The following SLC35F3 variants were observed in gnomAD, a reference collection of about 807,000 sequenced individuals.
SLC35F3 encodes the protein putative thiamine transporter SLC35F3.
In SLC35F3, 25 loss-of-function variants were observed where a neutral mutation model predicts 49.9. That is an observed-to-expected ratio of 0.50 (90% CI 0.37 to 0.70). The LOEUF (loss-of-function observed/expected upper bound fraction) is 0.70, where lower values mean the gene tolerates loss of function less well. Among genes scored for constraint, SLC35F3 ranks in the 30% least tolerant of loss-of-function variants. The pLI is 0.00. For missense variants in SLC35F3, 525 were observed against 639.8 expected, an observed-to-expected ratio of 0.82 and a Z score of 1.94; for synonymous variants, 275 against 265.4, an observed-to-expected ratio of 1.04 and a Z score of -0.35.
At chr1:234,125,267 G>A (rs1485462892) in intron 2 of SLC35F3, among the ~76,000 whole-genome samples, 1 of 151,424 alleles carries the variant, frequency 6.6e-6, no homozygotes, top group African/African-American at 2.4e-5. Context: ...AGTTCACGCT[G>A]ATATAACAAA....
At chr1:234,236,468 A>G (rs1336016076) in intron 3 of SLC35F3, among the ~76,000 whole-genome samples, 3 of 152,094 alleles carry the variant, frequency 2.0e-5, no homozygotes, top group Non-Finnish European at 4.4e-5. Context: ...TTAGCCAGAA[A>G]CAATTTATTT....
At chr1:234,152,623 A>G (rs1430807053) in intron 2 of SLC35F3, among the ~76,000 whole-genome samples, 2 of 152,234 alleles carry the variant, frequency 1.3e-5, no homozygotes, top group African/African-American at 2.4e-5. Context: ...TATCCATTCT[A>G]TCATTGATGG....
chr1:234,078,315 A>G (rs932064084), intron 2 of SLC35F3, among the ~76,000 whole-genome samples: 2 of 152,066 alleles, frequency 1.3e-5, no homozygotes, highest in East Asian at 1.9e-4. Flanking sequence ...TTTTCTCAGA[A>G]TAGTTATCCA....
chr1:233,905,319 C>T (rs866242654), intron 1 of SLC35F3, among the ~76,000 whole-genome samples, 189 bp downstream of exon 1: 1 of 152,180 alleles, frequency 6.6e-6, no homozygotes, highest in Non-Finnish European at 1.5e-5. Flanking sequence ...TGCCCCGAGA[C>T]GCCCAGGATA....
intron 2 of SLC35F3, among the ~76,000 whole-genome samples, chr1:233,985,581 A>G (rs1388978697): frequency 2.0e-5 from 3 of 152,202 alleles, no homozygotes; most frequent in Admixed American, 6.5e-5. Context: ...AGACCCACAC[A>G]GTTCTTTCTC....
At chr1:234,072,275 G>A (rs1228319941) in intron 2 of SLC35F3, among the ~76,000 whole-genome samples, 1 of 152,214 alleles carries the variant, frequency 6.6e-6, no homozygotes, top group Non-Finnish European at 1.5e-5. Context: ...AAAGGCACTT[G>A]CTATGGTCAT....
chr1:234,168,425 C>T (rs77019801), intron 2 of SLC35F3, among the ~76,000 whole-genome samples: 19,131 of 152,238 alleles, frequency 0.13, 3,967 homozygotes, highest in African/African-American at 0.43. Flanking sequence ...CTTCATTCTC[C>T]CTTTCTGTAA....
At chr1:234,321,174 C>A (rs1453807627) in intron 7 of SLC35F3, among the ~76,000 whole-genome samples, 1 of 152,144 alleles carries the variant, frequency 6.6e-6, no homozygotes, top group African/African-American at 2.4e-5. Flanking sequence ...AGGCGCTCGA[C>A]CTCTCTGCCC....
At chr1:234,251,695 G>A (rs1174359457) in intron 3 of SLC35F3, among the ~76,000 whole-genome samples, 1 of 152,094 alleles carries the variant, frequency 6.6e-6, no homozygotes, top group African/African-American at 2.4e-5. Flanking sequence ...GAGCAATAGG[G>A]AGAACTAGCT....
chr1:233,946,788 T>C (rs965555728), intron 2 of SLC35F3, among the ~76,000 whole-genome samples: 9 of 152,186 alleles, frequency 5.9e-5, no homozygotes, highest in Admixed American at 2.6e-4. Flanking sequence ...CAAGTTCATG[T>C]GTAAATGGTG....
chr1:234,131,322 T>G (rs1308270450), intron 2 of SLC35F3, among the ~76,000 whole-genome samples: 1 of 152,224 alleles, frequency 6.6e-6, no homozygotes, highest in Non-Finnish European at 1.5e-5. Flanking sequence ...TCTATGTTTC[T>G]GTTTCTTCTC....
intron 2 of SLC35F3, among the ~76,000 whole-genome samples, chr1:234,131,897 G>A (rs1303260014): frequency 6.6e-6 from 1 of 152,122 alleles, no homozygotes; most frequent in Non-Finnish European, 1.5e-5. Context: ...CAAATAATAA[G>A]CGATAATAAT....
chr1:234,178,310 C>T (rs1036168356), intron 2 of SLC35F3, among the ~76,000 whole-genome samples: 2 of 152,076 alleles, frequency 1.3e-5, no homozygotes. Context: ...CCCTCCAATG[C>T]TTTCAGTCAA....
intron 2 of SLC35F3, among the ~76,000 whole-genome samples, chr1:234,076,600 T>A (rs1189509887): frequency 6.6e-6 from 1 of 152,000 alleles, no homozygotes; most frequent in Non-Finnish European, 1.5e-5. Flanking sequence ...TAGCTGGGAT[T>A]ATGGGTGCCC....
chr1:234,319,006 A>T, intron 6 of SLC35F3, 63 bp downstream of exon 6: 1 of 1,408,986 alleles, frequency 7.1e-7, no homozygotes, highest in Non-Finnish European at 9.8e-7. Context: ...ACCCTCAGGA[A>T]ACATGTTCCC....
chr1:234,289,057 A>ATGAGCACAATTT (rs1374803828), intron 3 of SLC35F3, among the ~76,000 whole-genome samples: 2 of 152,250 alleles, frequency 1.3e-5, no homozygotes, highest in African/African-American at 4.8e-5. Flanking sequence ...CATAGCCATG[A>ATGAGCACAATTT]TGAGCACAAT....
chr1:234,009,503 T>C (rs1019389852), intron 2 of SLC35F3, among the ~76,000 whole-genome samples: 8 of 152,180 alleles, frequency 5.3e-5, no homozygotes, highest in Non-Finnish European at 1.2e-4. Context: ...TTTTCTGCCT[T>C]TTTGAATCAG....
intron 2 of SLC35F3, among the ~76,000 whole-genome samples, chr1:234,230,091 A>G (rs923803624): frequency 6.6e-6 from 1 of 152,218 alleles, no homozygotes; most frequent in South Asian, 2.1e-4. Flanking sequence ...GGTTATTAAT[A>G]AAGCAAGTAA....
At chr1:233,913,850 T>C (rs1661925460) in intron 2 of SLC35F3, among the ~76,000 whole-genome samples, 1 of 152,216 alleles carries the variant, frequency 6.6e-6, no homozygotes, top group Non-Finnish European at 1.5e-5. Flanking sequence ...TCCAGTCTTA[T>C]ATTGGGGTGT....
Sources: gnomAD v4.1 joint callset for allele counts (sites outside exome capture counted in the v4.1 genomes callset) on GRCh38, gnomAD v4.1.1 for gene constraint, MANE v1.5 for transcripts, NCBI Gene and HGNC (gene_info 2026-07-23, HGNC 2026-07-21) for gene names.